The following SLU7 variants were observed in gnomAD, a reference collection of about 807,000 sequenced individuals.
SLU7 encodes pre-mRNA-splicing factor SLU7.
SLU7 carries 60 observed loss-of-function variants against 87.0 expected under a neutral mutation model. The ratio of observed to expected loss-of-function variants is 0.69; its 90% CI spans 0.56 to 0.86. The LOEUF is 0.86. SLU7 is among the 40% of genes least tolerant of loss of function. SLU7 has a pLI of 0.00. For missense variants in SLU7, 507 were observed against 686.6 expected, an observed-to-expected ratio of 0.74 and a Z score of 2.92; for synonymous variants, 197 against 222.0, an observed-to-expected ratio of 0.89 and a Z score of 1.00.
At position 160,403,440 on chromosome 5, in the gene SLU7, GGC is replaced by G; in HGVS notation, c.1604_1605del (p.Arg535ProfsTer11). ...TGCATGGTCTCCTTGACATGAAGAAGGCGGGCCTCCTCTGCGTTCAGTGCCTA... is the reference window on the plus strand; with the variant it reads ...TGCATGGTCTCCTTGACATGAAGAAGGGGCCTCCTCTGCGTTCAGTGCCTA... ...LKKALNAEEA[R>X]LLHVKETMQI... On this transcript the variant is annotated frameshift_variant, in exon 16 of 16. Coordinates refer to ENST00000297151, the MANE Select transcript of SLU7 (RefSeq NM_006425.5). LOFTEE classifies it high-confidence loss of function. The G allele has an allele frequency of 2.5e-6, 4 of 1,610,776 alleles. No homozygotes were observed. Among genetic ancestry groups the G allele is most frequent in the Non-Finnish European group, 3.4e-6 (4 of 1,178,668 alleles).
Position 160,404,897 on chromosome 5 carries a change from T to C in SLU7, c.1393-17A>G. The stretch of plus-strand genomic sequence containing the variant: ...CTCAGAGTTCTGTGGGAAATACATG[T>C]AATTTGAGTTGAGTGTCATAGTTAC... On this transcript the variant is annotated splice_polypyrimidine_tract_variant and intron_variant, in intron 13 of 15. Coordinates refer to ENST00000297151, the MANE Select transcript of SLU7 (RefSeq NM_006425.5). The C allele has an allele frequency of 6.4e-7, 1 of 1,572,802 alleles. No homozygotes were observed. The highest frequency in any genetic ancestry group is 2.2e-5 in the East Asian group (1 of 44,664).
In SLU7 at chr5:160,413,881, T is replaced by C; in HGVS notation, c.405+18A>G. 1 of 1,549,422 alleles carries C rather than the reference T, an allele frequency of 6.5e-7. No individual in the cohort carries two copies. The highest frequency in any genetic ancestry group is 1.2e-5 in the South Asian group (1 of 82,282). On this transcript the variant is annotated intron_variant, in intron 4 of 15. Transcript: ENST00000297151. ...AGACTCTGACAACGGTTTTCAAAATTTTCAAAGGTGAACTTACCTCAAAGC... is the reference window on the plus strand; with the variant it reads ...AGACTCTGACAACGGTTTTCAAAATCTTCAAAGGTGAACTTACCTCAAAGC...
chr5:160,406,855 A>C (rs533176063), intron 11 of SLU7, among the ~76,000 whole-genome samples: 2 of 152,316 alleles, frequency 1.3e-5, no homozygotes, highest in East Asian at 3.9e-4. Context: ...GATGGCCATA[A>C]ATTCCTCTTA....
intron 12 of SLU7, chr5:160,406,253 T>G: frequency 2.5e-6 from 1 of 395,084 alleles, no homozygotes; most frequent in East Asian, 4.2e-5. Context: ...GGCAATATGT[T>G]AAAAATTTCA....
Position 160,404,810 on chromosome 5 carries a change from T to C in SLU7, c.1463A>G (p.Glu488Gly), listed in dbSNP as rs375300706. ...CAGGACAAATGATTATCAACTTACC[T>C]CCATGAGGGTTTGAGGTTTTTTCAC... ...ESVKKPQTLM[E>G]LHQEKLKEEK... The change falls in exon 14 of 16, where the codon GAG becomes GGG. Residue 488 changes from glutamate to glycine, a missense_variant and splice_region_variant. Glu to Gly is a moderately conservative substitution (Grantham distance 98). Transcript: ENST00000297151. The C allele has an allele frequency of 1.2e-6, 2 of 1,601,680 alleles. No individual in the cohort carries two copies. Among genetic ancestry groups the C allele is most frequent in the Non-Finnish European group, 1.7e-6 (2 of 1,168,842 alleles).
rs746465688 is a variant in SLU7 at position 160,407,644 on chromosome 5, T to G, written c.986-29A>C. 1.9e-5 allele frequency: 31 copies of G among 1,606,094 alleles called. No homozygotes were observed. Among genetic ancestry groups the G allele is most frequent in the South Asian group, 2.2e-5 (2 of 89,160 alleles). Reference sequence around the variant, plus strand: ...GAGTAATTCAAAACATCTTAGTGAGTTGGCAGCTGCATTACTGTATGCTTC... The same window carrying G: ...GAGTAATTCAAAACATCTTAGTGAGGTGGCAGCTGCATTACTGTATGCTTC... On this transcript the variant is annotated intron_variant, in intron 10 of 15. Coordinates refer to ENST00000297151, the MANE Select transcript of SLU7 (RefSeq NM_006425.5). The surrounding 1 kb of genome is among the most constrained non-coding windows in gnomAD (Gnocchi z 4.2).
At chr5:160,411,494 C>T (rs1443943499) in intron 6 of SLU7, among the ~76,000 whole-genome samples, 1 of 152,208 alleles carries the variant, frequency 6.6e-6, no homozygotes, top group Admixed American at 6.5e-5. Context: ...GCTGGGATTA[C>T]AGGTGTGAGC....
chr5:160,404,939 A>G (rs1764946296), intron 13 of SLU7, 59 bp from the exon 14 acceptor site: 1 of 1,522,702 alleles, frequency 6.6e-7, no homozygotes, highest in South Asian at 1.1e-5. Context: ...TCTAAGAACA[A>G]GTTAAAATTT....
At position 160,402,191 on chromosome 5, in the gene SLU7, A is replaced by C. The variant is rs538272060; in HGVS notation, c.*1094T>G. 1 of 152,346 alleles carries C rather than the reference A, an allele frequency of 6.6e-6. No individual in the cohort carries two copies. Among genetic ancestry groups the C allele is most frequent in the South Asian group, 2.1e-4 (1 of 4,824 alleles). The allele number at this position is 152,346 out of a possible 1,614,324, so 9.4% of individuals were successfully genotyped here. ...GCTATAAATATTAGGATATTCTACA[A>C]TTTAAAAAATCTAATATTCATGATT... is the stretch of plus-strand genomic sequence containing the variant. On this transcript the variant is annotated 3_prime_UTR_variant, in exon 16 of 16. Coordinates refer to ENST00000297151, the MANE Select transcript of SLU7 (RefSeq NM_006425.5).
chr5:160,414,011 T>A, intron 3 of SLU7, 32 bp from the exon 4 acceptor site: 1 of 1,295,970 alleles, frequency 7.7e-7, no homozygotes, highest in Non-Finnish European at 1.1e-6. Context: ...AACAAAAATG[T>A]CTTAACCACG....
chr5:160,418,468 A>G (rs1765546156), intron 1 of SLU7: 1 of 152,230 alleles, frequency 6.6e-6, no homozygotes, highest in Non-Finnish European at 1.5e-5. Flanking sequence ...TGAATAAAGT[A>G]TTATAGTCAC....
intron 11 of SLU7, 26 bp from the exon 12 acceptor site, chr5:160,406,655 A>G (rs771538874): frequency 2.2e-5 from 34 of 1,534,714 alleles, no homozygotes; most frequent in African/African-American, 5.7e-5. Context: ...ACATTATTCA[A>G]TACATTTTAC....
intron 8 of SLU7, 36 bp from the exon 9 acceptor site, chr5:160,408,104 C>T (rs1765081411): frequency 2.8e-6 from 4 of 1,450,204 alleles, no homozygotes; most frequent in African/African-American, 1.4e-5. Context: ...TTAATGTTTA[C>T]TCACAGCAAA....
intron 12 of SLU7, 130 bp downstream of exon 12, chr5:160,406,338 A>G: frequency 1.4e-6 from 1 of 706,274 alleles, no homozygotes. Flanking sequence ...AATTCCATGA[A>G]ACAGTTAAAA....
intron 6 of SLU7, among the ~76,000 whole-genome samples, chr5:160,411,300 C>T (rs1476898820): frequency 6.6e-6 from 1 of 150,598 alleles, no homozygotes; most frequent in African/African-American, 2.4e-5. Context: ...GACGTGATCT[C>T]GGCTCACTGC....
chr5:160,408,642 T>C lies in SLU7; in HGVS notation c.687+8A>G, dbSNP rs753357051. 5.9e-6 allele frequency: 9 copies of C among 1,533,530 alleles called. No homozygotes were observed. Among genetic ancestry groups the C allele is most frequent in the Middle Eastern group, 1.7e-4 (1 of 5,914 alleles). 95.0% of individuals were successfully genotyped at this position (1,533,530 alleles called of 1,614,324 possible). On this transcript the variant is annotated splice_region_variant and intron_variant, in intron 7 of 15. Coordinates refer to ENST00000297151, the MANE Select transcript of SLU7 (RefSeq NM_006425.5). ...AACATATACTCAGAGACAGCAAATATGTATTACCATCTGAGAATTTGGTTC... is the reference window on the plus strand; with the variant it reads ...AACATATACTCAGAGACAGCAAATACGTATTACCATCTGAGAATTTGGTTC...
intron 6 of SLU7, among the ~76,000 whole-genome samples, chr5:160,411,848 A>G (rs1765251618): frequency 6.6e-6 from 1 of 152,182 alleles, no homozygotes. Flanking sequence ...CCAGTTATAT[A>G]ACTAATACAT....
chr5:160,410,264 ATG>A lies in SLU7; in HGVS notation c.640-1569_640-1568del, dbSNP rs1765176742. The stretch of plus-strand genomic sequence containing the variant: ...ATGTTCTAATTTTTTTCCACTTAAT[ATG>A]TGTTACTTTCAAAATTAGAAATATA... On this transcript the variant is annotated intron_variant, in intron 6 of 15. Transcript: ENST00000297151. Among the ~76,000 whole-genome samples the A allele has an allele frequency of 3.9e-5, 6 of 152,264 alleles. No homozygotes were observed. The South Asian group carries it at 1.0e-3, about 26-fold the overall frequency.
At chr5:160,414,699 T>C (rs1037722682) in intron 2 of SLU7, among the ~76,000 whole-genome samples, 1 of 152,154 alleles carries the variant, frequency 6.6e-6, no homozygotes, top group Non-Finnish European at 1.5e-5. Context: ...AGAATAGTGA[T>C]ATAACTGAAG....
Sources: allele counts gnomAD v4.1 joint callset (sites outside exome capture counted in the v4.1 genomes callset), GRCh38; gene constraint gnomAD v4.1.1; non-coding constraint Gnocchi (gnomAD v3.1); transcripts MANE v1.5; gene names NCBI Gene and HGNC (gene_info 2026-07-23, HGNC 2026-07-21).